The following PLCE1 variants were observed in gnomAD, a reference collection of about 807,000 sequenced individuals.
PLCE1 encodes the protein phospholipase C epsilon 1.
PLCE1 carries 119 observed loss-of-function variants against 242.8 expected under a neutral mutation model. The observed-to-expected ratio is 0.49, with a 90% CI of 0.42 to 0.57. The LOEUF is 0.57. Ranked by LOEUF, PLCE1 falls within the 20% of genes least tolerant of loss-of-function variation. The pLI, the probability that PLCE1 is intolerant of heterozygous loss-of-function variation, is 0.00. For missense variants in PLCE1, 2,441 were observed against 2,788.8 expected, an observed-to-expected ratio of 0.88 and a Z score of 2.81; for synonymous variants, 945 against 1,017.4, an observed-to-expected ratio of 0.93 and a Z score of 1.35.
chr10:94,056,379 A>G (rs1222375822), intron 2 of PLCE1, among the ~76,000 whole-genome samples: 1 of 152,214 alleles, frequency 6.6e-6, no homozygotes, highest in African/African-American at 2.4e-5. Flanking sequence ...AACTAACAGT[A>G]TAATTGTGTA....
intron 2 of PLCE1, among the ~76,000 whole-genome samples, chr10:94,114,843 G>A (rs2046070943): frequency 6.6e-6 from 1 of 151,354 alleles, no homozygotes; most frequent in South Asian, 2.1e-4. Context: ...ATGTATACAT[G>A]TGCCATGTTG....
chr10:94,182,720 A>C (rs1406556447), intron 4 of PLCE1, among the ~76,000 whole-genome samples: 1 of 152,170 alleles, frequency 6.6e-6, no homozygotes, highest in African/African-American at 2.4e-5. Flanking sequence ...TTATTACTAT[A>C]ATAGGCTATC....
intron 27 of PLCE1, among the ~76,000 whole-genome samples, chr10:94,312,954 A>G (rs545300971): frequency 2.7e-5 from 4 of 145,726 alleles, no homozygotes; most frequent in South Asian, 4.3e-4. Context: ...CTCAATAGAT[A>G]CTATGGAACA....
chr10:94,293,658 A>G lies in PLCE1; in HGVS notation c.5167+19A>G. 6.2e-7 allele frequency: 1 copy of G among 1,612,484 alleles called. No individual in the cohort carries two copies. Among genetic ancestry groups the G allele is most frequent in the Non-Finnish European group, 8.5e-7 (1 of 1,178,890 alleles). On this transcript the variant is annotated intron_variant, in intron 23 of 32. Transcript: ENST00000371380. ...GGAAAAAGTAAAGTCACTTTCTTAC[A>G]ATATCTTTGCTTGATTCTGCATGCT...
At chr10:94,291,806 G>A (rs2052655434) in intron 22 of PLCE1, among the ~76,000 whole-genome samples, 1 of 152,150 alleles carries the variant, frequency 6.6e-6, no homozygotes, top group African/African-American at 2.4e-5. Context: ...TTATCGGTAA[G>A]TGAGCCAACG....
intron 2 of PLCE1, among the ~76,000 whole-genome samples, chr10:94,056,340 G>A (rs182344290): frequency 3.3e-5 from 5 of 152,228 alleles, no homozygotes; most frequent in South Asian, 2.1e-4. Flanking sequence ...GTCAAACACC[G>A]TGTAATTCTG....
intron 4 of PLCE1, among the ~76,000 whole-genome samples, chr10:94,205,707 C>T (rs2049136566): frequency 6.6e-6 from 1 of 152,214 alleles, no homozygotes; most frequent in Non-Finnish European, 1.5e-5. Flanking sequence ...AATGCATCTG[C>T]AGATCTCTAA....
chr10:94,161,517 T>C (rs531941013), intron 3 of PLCE1, among the ~76,000 whole-genome samples: 1 of 152,158 alleles, frequency 6.6e-6, no homozygotes, highest in Admixed American at 6.6e-5. Flanking sequence ...TATCCTGAGA[T>C]TTTGCTGAAG....
At chr10:94,191,139 T>A (rs1248569174) in intron 4 of PLCE1, among the ~76,000 whole-genome samples, 1 of 152,012 alleles carries the variant, frequency 6.6e-6, no homozygotes, top group African/African-American at 2.4e-5. Flanking sequence ...AAGATGATTA[T>A]CATATTACCC....
intron 2 of PLCE1, among the ~76,000 whole-genome samples, chr10:94,047,652 TTTTA>T: frequency 6.6e-6 from 1 of 152,148 alleles, no homozygotes; most frequent in East Asian, 1.9e-4. Context: ...ATGTATTTAT[TTTTA>T]TTTGTTTTTT....
intron 1 of PLCE1, among the ~76,000 whole-genome samples, chr10:94,023,320 G>A (rs2061405598): frequency 6.6e-6 from 1 of 152,134 alleles, no homozygotes; most frequent in African/African-American, 2.4e-5. Context: ...AAATAGACTA[G>A]GATTGACTTT....
intron 3 of PLCE1, among the ~76,000 whole-genome samples, chr10:94,170,881 A>C (rs2047952275): frequency 6.6e-6 from 1 of 152,182 alleles, no homozygotes; most frequent in Non-Finnish European, 1.5e-5. Flanking sequence ...GGTATTTTAC[A>C]AAGTATCATA....
rs1329568931 is a variant in PLCE1 at position 94,324,885 on chromosome 10, C to T, written c.6721-7C>T. ...TAACACCAATGGAAGGTTCTTTGTTCCCACAGGCATCTCGAGAAGATAAAA... is the reference window on the plus strand; with the variant it reads ...TAACACCAATGGAAGGTTCTTTGTTTCCACAGGCATCTCGAGAAGATAAAA... On this transcript the variant is annotated splice_polypyrimidine_tract_variant and splice_region_variant and intron_variant, in intron 31 of 32. Coordinates refer to ENST00000371380, the MANE Select transcript of PLCE1 (RefSeq NM_016341.4). The T allele has an allele frequency of 6.2e-7, 1 of 1,613,766 alleles. No individual in the cohort carries two copies.
chr10:94,122,630 GA>G (rs1305077940), intron 2 of PLCE1, among the ~76,000 whole-genome samples: 1 of 152,162 alleles, frequency 6.6e-6, no homozygotes, highest in African/African-American at 2.4e-5. Flanking sequence ...GTATAGAGAT[GA>G]ATAGGCCCTA....
chr10:94,300,288 C>T (rs747648554), intron 24 of PLCE1, among the ~76,000 whole-genome samples: 6 of 152,206 alleles, frequency 3.9e-5, no homozygotes, highest in African/African-American at 1.4e-4. Flanking sequence ...CATGGGCCAT[C>T]CTGCAGTCCA....
At chr10:93,997,988 A>G (rs770903312) in intron 1 of PLCE1, among the ~76,000 whole-genome samples, 1 of 152,200 alleles carries the variant, frequency 6.6e-6, no homozygotes, top group African/African-American at 2.4e-5. Flanking sequence ...AGTATAGATC[A>G]ACTGTTACAG....
intron 20 of PLCE1, chr10:94,283,563 A>T: frequency 2.4e-6 from 1 of 419,542 alleles, no homozygotes; most frequent in Non-Finnish European, 4.6e-6. Flanking sequence ...TTATGTATAT[A>T]AGTGACAAAA....
intron 4 of PLCE1, among the ~76,000 whole-genome samples, chr10:94,217,146 C>G (rs35632833): frequency 0.24 from 36,238 of 151,220 alleles, 4,587 homozygotes; most frequent in East Asian, 0.4. Flanking sequence ...CTTGGGCAAG[C>G]TAGTTTACTC....
At chr10:94,225,805 C>G (rs960907614) in intron 4 of PLCE1, among the ~76,000 whole-genome samples, 8 of 152,356 alleles carry the variant, frequency 5.3e-5, no homozygotes, top group Middle Eastern at 3.4e-3. Flanking sequence ...GTGGTTGCTG[C>G]CAGCACTCAA....
Sources: gnomAD v4.1 joint callset for allele counts (sites outside exome capture counted in the v4.1 genomes callset) on GRCh38, gnomAD v4.1.1 for gene constraint, MANE v1.5 for transcripts, NCBI Gene and HGNC (gene_info 2026-07-23, HGNC 2026-07-21) for gene names.